Variants in COL6A5 observed in about 807,000 individuals in gnomAD.
COL6A5 encodes the protein collagen alpha-5(VI) chain.
COL6A5 carries 48 observed loss-of-function variants against 65.6 expected under a neutral mutation model. That is an observed-to-expected ratio of 0.73 (90% CI 0.58 to 0.93). The LOEUF is 0.93. COL6A5 is among the 40% of genes least tolerant of loss of function. The pLI, the probability that COL6A5 is intolerant of heterozygous loss-of-function variation, is 0.00. For missense variants in COL6A5, 914 were observed against 928.3 expected, an observed-to-expected ratio of 0.98 and a Z score of 0.20; for synonymous variants, 291 against 322.8, an observed-to-expected ratio of 0.90 and a Z score of 1.05.
chr3:130,358,864 T>A (rs1328725605), intron 1 of COL6A5, among the ~76,000 whole-genome samples: 1 of 152,200 alleles, frequency 6.6e-6, no homozygotes, highest in Non-Finnish European at 1.5e-5. Flanking sequence ...TCTTCCACTG[T>A]GCAATGTTGT....
At chr3:130,457,230 A>G (rs1427229244) in intron 5 of COL6A5, among the ~76,000 whole-genome samples, 4 of 152,068 alleles carry the variant, frequency 2.6e-5, no homozygotes, top group African/African-American at 9.7e-5. Flanking sequence ...GAAAAAAGAG[A>G]AGAAGAGGTG....
At chr3:130,364,337 T>C (rs1935251482) in intron 1 of COL6A5, among the ~76,000 whole-genome samples, 1 of 152,218 alleles carries the variant, frequency 6.6e-6, no homozygotes, top group Non-Finnish European at 1.5e-5. Flanking sequence ...CCTAACCTAC[T>C]ATATCCTTTA....
intron 1 of COL6A5, among the ~76,000 whole-genome samples, chr3:130,368,098 A>G (rs1935408855): frequency 5.3e-5 from 8 of 152,194 alleles, no homozygotes; most frequent in Admixed American, 5.2e-4. Context: ...GAAGATTTGT[A>G]AGGCCTCTGC....
At chr3:130,471,803 A>G in intron 7 of COL6A5, 1 of 1,535,190 alleles carries the variant, frequency 6.5e-7, no homozygotes, top group Non-Finnish European at 8.7e-7. Context: ...TGAGACAGCT[A>G]CTGATTTGAT....
chr3:130,417,049 G>A (rs1937365342), intron 24 of COL6A5, among the ~76,000 whole-genome samples: 1 of 151,662 alleles, frequency 6.6e-6, no homozygotes, highest in Admixed American at 6.6e-5. Flanking sequence ...AGCCCCGCAT[G>A]CATTAGGTAT....
At chr3:130,415,854 T>G (rs1577486586) in intron 23 of COL6A5, 147 bp downstream of exon 23, 1 of 572,614 alleles carries the variant, frequency 1.7e-6, no homozygotes, top group Non-Finnish European at 2.8e-6. Context: ...CTAGCGCAGC[T>G]CAGATTCCTC....
chr3:130,408,797 G>T (rs1937084112), intron 17 of COL6A5, among the ~76,000 whole-genome samples: 1 of 152,160 alleles, frequency 6.6e-6, no homozygotes, highest in South Asian at 2.1e-4. Context: ...AAATAGAAAA[G>T]AAACTACGTT....
In COL6A5 at chr3:130,403,691, CT is replaced by C. The variant is rs1337366488; in HGVS notation, c.4281+30del. On this transcript the variant is annotated intron_variant and NMD_transcript_variant, in intron 13 of 41. Coordinates refer to the COL6A5 transcript ENST00000312481. ...AGTTTTTATTACTCCCCCTCACCCCCTGTTGCACACACACTGTACACACACA... is the reference window on the plus strand; with the variant it reads ...AGTTTTTATTACTCCCCCTCACCCCCGTTGCACACACACTGTACACACACA... 6.0e-6 allele frequency: 9 copies of C among 1,500,864 alleles called. No homozygotes were observed. In the African/African-American group the frequency reaches 9.8e-5, roughly 16 times the overall value. 93.0% of individuals were successfully genotyped at this position (1,500,864 alleles called of 1,614,324 possible). A position where few individuals can be genotyped will look rare whatever the true frequency, so the allele number is the denominator to read the frequency against.
intron 5 of COL6A5, among the ~76,000 whole-genome samples, chr3:130,387,167 A>T (rs1241539122): frequency 6.6e-6 from 1 of 151,954 alleles, no homozygotes; most frequent in African/African-American, 2.4e-5. Context: ...ACCACACTCA[A>T]CTGTTTTAAT....
At chr3:130,391,693 T>G in exon 7 of COL6A5, 1 of 1,551,674 alleles carries the variant, frequency 6.4e-7, no homozygotes, top group Non-Finnish European at 8.7e-7. Flanking sequence ...TAGATAATTT[T>G]GACAAACTGA....
chr3:130,462,426 C>T (rs1709723205), intron 5 of COL6A5, among the ~76,000 whole-genome samples: 1 of 152,060 alleles, frequency 6.6e-6, no homozygotes, highest in South Asian at 2.1e-4. Flanking sequence ...TCGTGGAAGT[C>T]CTGGTTTGGA....
chr3:130,443,505 C>A (rs1160764370), exon 4 of COL6A5: 1 of 1,611,200 alleles, frequency 6.2e-7, no homozygotes, highest in African/African-American at 1.3e-5. Flanking sequence ...ACCACCGATG[C>A]TTGAGGATGC....
intron 7 of COL6A5, among the ~76,000 whole-genome samples, chr3:130,472,436 G>T (rs1320843172): frequency 6.6e-6 from 1 of 151,982 alleles, no homozygotes; most frequent in Non-Finnish European, 1.5e-5. Flanking sequence ...CCATAGGCTG[G>T]GTGGAGAAAT....
chr3:130,474,932 C>CA (rs1387411190), intron 7 of COL6A5, among the ~76,000 whole-genome samples: 3 of 139,374 alleles, frequency 2.2e-5, no homozygotes, highest in Non-Finnish European at 3.0e-5. Context: ...GCTTGAGCCC[C>CA]AAAGGTCAAG....
chr3:130,451,834 C>T (rs903189728), intron 4 of COL6A5, among the ~76,000 whole-genome samples: 7 of 152,030 alleles, frequency 4.6e-5, no homozygotes, highest in African/African-American at 1.7e-4. Flanking sequence ...GGAGGATCGT[C>T]AGATTCAGAA....
chr3:130,437,895 A>C (rs942338795), intron 1 of COL6A5, among the ~76,000 whole-genome samples: 1 of 152,182 alleles, frequency 6.6e-6, no homozygotes, highest in South Asian at 2.1e-4. Flanking sequence ...TTCTATAAAA[A>C]GTATTACTTC....
intron 18 of COL6A5, 61 bp downstream of exon 18, chr3:130,409,449 T>G: frequency 5.1e-6 from 7 of 1,384,860 alleles, no homozygotes; most frequent in Non-Finnish European, 6.9e-6. Flanking sequence ...TCCTATCTCC[T>G]TTCCCTTTGT....
At chr3:130,408,892 T>C (rs1375255300) in intron 17 of COL6A5, among the ~76,000 whole-genome samples, 1 of 152,226 alleles carries the variant, frequency 6.6e-6, no homozygotes, top group Non-Finnish European at 1.5e-5. Context: ...TGGAAGTTGC[T>C]AGACTGGCTA....
intron 3 of COL6A5, 86 bp downstream of exon 35, chr3:130,440,911 G>A (rs1709167423): frequency 5.1e-6 from 5 of 976,670 alleles, no homozygotes; most frequent in Non-Finnish European, 4.5e-6. Flanking sequence ...TGTATCTATA[G>A]CTAATCTAAA....
Sources: gnomAD v4.1 joint callset for allele counts (sites outside exome capture counted in the v4.1 genomes callset) on GRCh38, gnomAD v4.1.1 for gene constraint, MANE v1.5 for transcripts, NCBI Gene and HGNC (gene_info 2026-07-23, HGNC 2026-07-21) for gene names.